Variants in TMEFF2 observed in about 807,000 individuals in gnomAD.
TMEFF2 encodes tomoregulin-2.
Under a neutral mutation model 53.8 loss-of-function variants are expected in TMEFF2, and 28 were observed. That is an observed-to-expected ratio of 0.52 (90% CI 0.39 to 0.71). The LOEUF is 0.71. Ranked by LOEUF, TMEFF2 falls within the 30% of genes least tolerant of loss-of-function variation. The pLI, the probability that TMEFF2 is intolerant of heterozygous loss-of-function variation, is 0.00. For missense variants in TMEFF2, 353 were observed against 455.2 expected, an observed-to-expected ratio of 0.78 and a Z score of 2.04; for synonymous variants, 162 against 166.3, an observed-to-expected ratio of 0.97 and a Z score of 0.20.
intron 7 of TMEFF2, among the ~76,000 whole-genome samples, chr2:191,984,501 C>G (rs1559072161): frequency 1.3e-5 from 2 of 152,090 alleles, no homozygotes. Flanking sequence ...AATGAAATCC[C>G]TGAAATGAGG....
chr2:192,154,762 TATAC>T (rs2106004425), intron 4 of TMEFF2, among the ~76,000 whole-genome samples: 1 of 152,052 alleles, frequency 6.6e-6, no homozygotes, highest in East Asian at 1.9e-4. Context: ...AATTGAAACA[TATAC>T]ATATTCTTAT....
intron 5 of TMEFF2, among the ~76,000 whole-genome samples, chr2:192,008,141 TA>T (rs1686545061): frequency 6.6e-6 from 1 of 152,202 alleles, no homozygotes; most frequent in South Asian, 2.1e-4. Flanking sequence ...CAAGCACCCT[TA>T]ACTACAGCTG....
chr2:191,991,518 C>G (rs1239255661), intron 7 of TMEFF2, among the ~76,000 whole-genome samples: 1 of 152,008 alleles, frequency 6.6e-6, no homozygotes, highest in Non-Finnish European at 1.5e-5. Flanking sequence ...TTAAACAGAT[C>G]AAGAAACTGA....
intron 1 of TMEFF2, among the ~76,000 whole-genome samples, chr2:192,192,403 C>G (rs990805861): frequency 6.6e-6 from 1 of 152,006 alleles, no homozygotes; most frequent in Non-Finnish European, 1.5e-5. Flanking sequence ...TTACCATTTC[C>G]CCATCTTTAA....
In TMEFF2 at chr2:191,950,287, C is replaced by T. The variant is rs532761992; in HGVS notation, c.*24G>A. 6.2e-7 allele frequency: 1 copy of T among 1,610,308 alleles called. No individual in the cohort carries two copies. The highest frequency in any genetic ancestry group is 8.5e-7 in the Non-Finnish European group (1 of 1,177,966). On this transcript the variant is annotated 3_prime_UTR_variant, in exon 10 of 10. Transcript: ENST00000272771. ...TGTGTAGTCCAAGCTCTCGGTAGTC[C>T]AGCCACTGTGAAACATGCTCCCTTT...
chr2:191,993,118 A>G (rs756029435), intron 7 of TMEFF2, among the ~76,000 whole-genome samples: 28 of 152,116 alleles, frequency 1.8e-4, no homozygotes, highest in Non-Finnish European at 3.2e-4. Flanking sequence ...TGAAGGAGAC[A>G]GTATATATGA....
At position 192,075,305 on chromosome 2, in the gene TMEFF2, AT is replaced by A. The variant is rs1559115061; in HGVS notation, c.440-17531del. On this transcript the variant is annotated intron_variant, in intron 4 of 9. Coordinates refer to ENST00000272771, the MANE Select transcript of TMEFF2 (RefSeq NM_016192.4). The stretch of plus-strand genomic sequence containing the variant: ...TACTATTATATATATATATATATAT[AT>A]ATATATATATATATATATATATATA... Among the ~76,000 whole-genome samples, 242 of 27,976 alleles carry A rather than the reference AT, an allele frequency of 8.7e-3. 11 individuals carry two copies. Among genetic ancestry groups the A allele is most frequent in the Non-Finnish European group, 0.013 (120 of 8,986 alleles). The allele number at this position is 27,976 out of a possible 152,430, so 18.4% of individuals were successfully genotyped here.
intron 4 of TMEFF2, among the ~76,000 whole-genome samples, chr2:192,133,573 T>C (rs1689915361): frequency 6.6e-6 from 1 of 152,252 alleles, no homozygotes; most frequent in African/African-American, 2.4e-5. Flanking sequence ...TCAACTAAAT[T>C]GTTTTGCCTA....
chr2:191,949,813 A>G lies in TMEFF2; in HGVS notation c.*498T>C. 1 of 985,504 alleles carries G rather than the reference A, an allele frequency of 1.0e-6. No homozygotes were observed. Among genetic ancestry groups the G allele is most frequent in the Non-Finnish European group, 1.2e-6 (1 of 829,970 alleles). 61.0% of individuals were successfully genotyped at this position (985,504 alleles called of 1,614,324 possible). On this transcript the variant is annotated 3_prime_UTR_variant, in exon 10 of 10. Coordinates refer to ENST00000272771, the MANE Select transcript of TMEFF2 (RefSeq NM_016192.4). ...ATCGGAAATATTTTATCCTCACTCG[A>G]TATAAAGTAAATTATTTTTTCTCTT...
At position 191,953,856 on chromosome 2, in the gene TMEFF2, C is replaced by T. The variant is rs1574239087; in HGVS notation, c.870-19G>A. 1.3e-6 allele frequency: 2 copies of T among 1,574,894 alleles called. No individual in the cohort carries two copies. The highest frequency in any genetic ancestry group is 1.7e-6 in the Non-Finnish European group (2 of 1,153,712). On this transcript the variant is annotated intron_variant, in intron 8 of 9. Coordinates refer to ENST00000272771, the MANE Select transcript of TMEFF2 (RefSeq NM_016192.4). ...ATCACACCTGGAAGAAATTATAGTG[C>T]CCAGTTACCTGTAGGGTGCTGCATT...
chr2:192,075,304 T>TAA (rs1553518793), intron 4 of TMEFF2, among the ~76,000 whole-genome samples: 2,303 of 17,282 alleles, frequency 0.13, 167 homozygotes, highest in African/African-American at 0.17. Context: ...TATATATATA[T>TAA]ATATATATAT....
At chr2:192,014,646 A>G (rs545845230) in intron 5 of TMEFF2, among the ~76,000 whole-genome samples, 15 of 152,282 alleles carry the variant, frequency 9.9e-5, no homozygotes, top group Admixed American at 3.3e-4. Flanking sequence ...TATGTGTCTA[A>G]TTTAAGTAAT....
At chr2:192,028,060 G>C (rs1260132493) in intron 5 of TMEFF2, 1 of 42,620 alleles carries the variant, frequency 2.3e-5, no homozygotes, top group Non-Finnish European at 5.0e-5. Flanking sequence ...TGAATTATGG[G>C]GGGGGGGGGG....
At chr2:192,004,495 G>A (rs1053059049) in intron 5 of TMEFF2, among the ~76,000 whole-genome samples, 1 of 152,130 alleles carries the variant, frequency 6.6e-6, no homozygotes, top group Non-Finnish European at 1.5e-5. Context: ...AAAGGTGACA[G>A]AAGAGCCAGG....
intron 4 of TMEFF2, among the ~76,000 whole-genome samples, chr2:192,138,056 T>A (rs1229374147): frequency 1.3e-5 from 2 of 152,138 alleles, no homozygotes; most frequent in Non-Finnish European, 2.9e-5. Flanking sequence ...TGACCCCAGG[T>A]GATCTGCCTG....
intron 4 of TMEFF2, among the ~76,000 whole-genome samples, chr2:192,169,993 T>G (rs1559155638): frequency 6.6e-6 from 1 of 151,966 alleles, no homozygotes; most frequent in Non-Finnish European, 1.5e-5. Flanking sequence ...ACTGTACTAC[T>G]AATTCCTTTT....
At chr2:192,191,558 C>A (rs908595552) in intron 2 of TMEFF2, among the ~76,000 whole-genome samples, 3 of 152,140 alleles carry the variant, frequency 2.0e-5, no homozygotes, top group South Asian at 2.1e-4. Context: ...TTCTTACCCC[C>A]TATTTTGACT....
chr2:192,044,855 A>C (rs746250765), intron 5 of TMEFF2, among the ~76,000 whole-genome samples: 2 of 152,198 alleles, frequency 1.3e-5, no homozygotes, highest in Non-Finnish European at 2.9e-5. Context: ...CTAAGTTACT[A>C]TTTGACCTGA....
At chr2:192,110,397 T>G (rs1282592065) in intron 4 of TMEFF2, among the ~76,000 whole-genome samples, 2 of 152,032 alleles carry the variant, frequency 1.3e-5, no homozygotes, top group African/African-American at 4.8e-5. Context: ...CAAGAGAAGA[T>G]AAGAGTGATG....
Sources: allele counts gnomAD v4.1 joint callset (sites outside exome capture counted in the v4.1 genomes callset), GRCh38; gene constraint gnomAD v4.1.1; transcripts MANE v1.5; gene names NCBI Gene and HGNC (gene_info 2026-07-23, HGNC 2026-07-21).